Variants in ZFHX3 observed in about 807,000 individuals in gnomAD.
ZFHX3 encodes the protein zinc finger homeobox 3, also known as zinc finger homeobox protein 3.
In ZFHX3, 42 loss-of-function variants were observed where a neutral mutation model predicts 279.1. That is an observed-to-expected ratio of 0.15 (90% CI 0.12 to 0.19). The LOEUF is 0.19. Ranked by LOEUF, ZFHX3 falls within the 10% of genes least tolerant of loss-of-function variation. ZFHX3 has a pLI of 1.00. For missense variants in ZFHX3, 4,981 were observed against 4,754.0 expected (o/e 1.05, Z -1.40); for synonymous variants, 2,293 against 1,957.8 (o/e 1.17, Z -4.52).
chr16:72,987,253 A>T (rs1360980276), intron 1 of ZFHX3, among the ~76,000 whole-genome samples: 1 of 152,196 alleles, frequency 6.6e-6, no homozygotes, highest in Non-Finnish European at 1.5e-5. Context: ...CTCAACTCTC[A>T]TAGCAGCTAA....
intron 4 of ZFHX3, among the ~76,000 whole-genome samples, chr16:72,848,121 T>C (rs2037524411): frequency 1.3e-5 from 2 of 152,150 alleles, no homozygotes; most frequent in African/African-American, 4.8e-5. Context: ...ACCAGCACAG[T>C]GGCCCTCCCT....
intron 1 of ZFHX3, among the ~76,000 whole-genome samples, chr16:73,755,473 G>A (rs1367727893): frequency 1.3e-5 from 2 of 152,216 alleles, no homozygotes; most frequent in African/African-American, 4.8e-5. Flanking sequence ...TGCATAGTGT[G>A]TGAGTCATTC....
At chr16:73,446,771 A>G (rs1250345494) in intron 3 of ZFHX3, among the ~76,000 whole-genome samples, 3 of 152,174 alleles carry the variant, frequency 2.0e-5, no homozygotes, top group Non-Finnish European at 4.4e-5. Flanking sequence ...ATCAGCAAAA[A>G]TCAACCATGG....
intron 1 of ZFHX3, among the ~76,000 whole-genome samples, chr16:73,830,674 C>T (rs1788850700): frequency 6.6e-6 from 1 of 152,180 alleles, no homozygotes; most frequent in South Asian, 2.1e-4. Context: ...TACAAATTGT[C>T]AACATCAACA....
chr16:73,671,020 G>A (rs1023038138), intron 2 of ZFHX3, among the ~76,000 whole-genome samples: 1 of 152,302 alleles, frequency 6.6e-6, no homozygotes, highest in Non-Finnish European at 1.5e-5. Context: ...ATGGGCTCCA[G>A]GAGGATGTTC....
At chr16:73,357,083 C>T (rs1016694951) in intron 3 of ZFHX3, among the ~76,000 whole-genome samples, 4 of 151,830 alleles carry the variant, frequency 2.6e-5, no homozygotes, top group African/African-American at 7.3e-5. Flanking sequence ...CTTTCCTTCC[C>T]CTCTTTCCCT....
chr16:73,310,808 C>T (rs1478294224), intron 4 of ZFHX3, among the ~76,000 whole-genome samples: 2 of 152,026 alleles, frequency 1.3e-5, no homozygotes, highest in African/African-American at 4.8e-5. Flanking sequence ...ATGTACTTTG[C>T]AGTCATGTTT....
At chr16:73,853,198 A>G (rs568440831) in intron 1 of ZFHX3, among the ~76,000 whole-genome samples, 4 of 152,222 alleles carry the variant, frequency 2.6e-5, no homozygotes, top group Non-Finnish European at 4.4e-5. Flanking sequence ...TGGGTGGCAA[A>G]ACAAAGGAAC....
chr16:73,165,818 G>A (rs1455133381), intron 5 of ZFHX3, among the ~76,000 whole-genome samples: 1 of 152,138 alleles, frequency 6.6e-6, no homozygotes. Flanking sequence ...GAAGCCCTGG[G>A]TAAGTGAACC....
intron 7 of ZFHX3, chr16:72,807,840 A>C (rs2036316772): frequency 6.6e-6 from 1 of 152,166 alleles, no homozygotes; most frequent in Non-Finnish European, 1.5e-5. Flanking sequence ...AACTCAGTCA[A>C]CCCATTTGGA....
intron 2 of ZFHX3, among the ~76,000 whole-genome samples, chr16:73,575,824 T>G (rs1250883375): frequency 6.6e-6 from 1 of 152,184 alleles, no homozygotes; most frequent in Non-Finnish European, 1.5e-5. Context: ...CATGTGAGTC[T>G]ATCTCACTGG....
At chr16:73,444,289 T>C (rs111400646) in intron 3 of ZFHX3, among the ~76,000 whole-genome samples, 4,039 of 152,316 alleles carry the variant, frequency 0.027, 182 homozygotes, top group African/African-American at 0.092. Context: ...ACTTCTGAGG[T>C]ACACTTGCCT....
intron 1 of ZFHX3, among the ~76,000 whole-genome samples, chr16:73,055,698 G>GCACACACA (rs71156135): frequency 2.0e-4 from 22 of 109,490 alleles, no homozygotes; most frequent in East Asian, 1.6e-3. Context: ...GCGCGCGCGC[G>GCACACACA]CACACACACA....
At chr16:73,414,708 C>T (rs920516429) in intron 3 of ZFHX3, among the ~76,000 whole-genome samples, 10 of 152,264 alleles carry the variant, frequency 6.6e-5, no homozygotes, top group East Asian at 1.9e-4. Context: ...CATGGGGGCA[C>T]GTGCCTATGG....
intron 3 of ZFHX3, among the ~76,000 whole-genome samples, chr16:73,385,481 A>C (rs2016884491): frequency 6.6e-6 from 1 of 152,136 alleles, no homozygotes; most frequent in Admixed American, 6.5e-5. Context: ...TGGCAGCTCC[A>C]ATCTCTCCAA....
intron 5 of ZFHX3, among the ~76,000 whole-genome samples, chr16:73,217,760 T>C (rs995933039): frequency 1.3e-5 from 2 of 152,108 alleles, no homozygotes; most frequent in Non-Finnish European, 2.9e-5. Flanking sequence ...GGCTATTTAT[T>C]TTTTTCTACC....
intron 2 of ZFHX3, among the ~76,000 whole-genome samples, chr16:73,667,752 T>G (rs1378024053): frequency 1.3e-5 from 2 of 152,240 alleles, no homozygotes; most frequent in Non-Finnish European, 2.9e-5. Context: ...AATCTCATTT[T>G]GAGATTAAGG....
At chr16:73,832,052 C>T (rs1961011917) in intron 1 of ZFHX3, among the ~76,000 whole-genome samples, 1 of 152,082 alleles carries the variant, frequency 6.6e-6, no homozygotes, top group South Asian at 2.1e-4. Flanking sequence ...AGGCACATGC[C>T]ACCACACCCG....
chr16:72,866,105 A>G (rs898680699), intron 4 of ZFHX3, among the ~76,000 whole-genome samples: 2 of 152,248 alleles, frequency 1.3e-5, no homozygotes, highest in African/African-American at 4.8e-5. Flanking sequence ...ATCACTGTGG[A>G]CAGATGAAAT....
Sources: gnomAD v4.1 joint callset for allele counts (sites outside exome capture counted in the v4.1 genomes callset) on GRCh38, gnomAD v4.1.1 for gene constraint, MANE v1.5 for transcripts, NCBI Gene and HGNC (gene_info 2026-07-23, HGNC 2026-07-21) for gene names.